Variants in CSMD1 observed in about 807,000 individuals in gnomAD.
CSMD1 encodes the protein CUB and sushi domain-containing protein 1.
Under a neutral mutation model 417.5 loss-of-function variants are expected in CSMD1, and 213 were observed. The ratio of observed to expected loss-of-function variants is 0.51; its 90% confidence interval spans 0.46 to 0.57. CSMD1 has a LOEUF of 0.57. Among genes scored for constraint, CSMD1 ranks in the 20% least tolerant of loss-of-function variants. The pLI is 0.00. For synonymous variants in CSMD1, 2,862 were observed against 1,736.8 expected, an observed-to-expected ratio of 1.65 and a Z score of -16.11; for missense variants, 6,923 against 4,529.7, an observed-to-expected ratio of 1.53 and a Z score of -15.17.
intron 18 of CSMD1, among the ~76,000 whole-genome samples, chr8:3,385,091 AAAATATAT>A (rs1810917477): frequency 1.9e-5 from 2 of 107,144 alleles, no homozygotes; most frequent in East Asian, 2.5e-4. Context: ...ATTTATATAT[AAAATATAT>A]ATATAAATAA....
chr8:4,848,407 G>T (rs1355515239), intron 1 of CSMD1, among the ~76,000 whole-genome samples: 1 of 152,220 alleles, frequency 6.6e-6, no homozygotes, highest in Non-Finnish European at 1.5e-5. Flanking sequence ...CTATGAGCTA[G>T]TAATGGCCTA....
intron 37 of CSMD1, among the ~76,000 whole-genome samples, chr8:3,165,276 G>T (rs938428270): frequency 6.6e-6 from 1 of 152,072 alleles, no homozygotes; most frequent in Non-Finnish European, 1.5e-5. Flanking sequence ...ATTAAAAGGA[G>T]TGACAAAGTG....
intron 5 of CSMD1, among the ~76,000 whole-genome samples, chr8:3,994,254 A>G (rs1331163078): frequency 2.6e-5 from 4 of 152,068 alleles, no homozygotes; most frequent in Non-Finnish European, 4.4e-5. Flanking sequence ...TTCTTTTGTT[A>G]TATAAGTTCA....
intron 4 of CSMD1, among the ~76,000 whole-genome samples, chr8:4,010,685 C>A (rs1460610410): frequency 6.6e-6 from 1 of 152,110 alleles, no homozygotes; most frequent in Admixed American, 6.5e-5. Flanking sequence ...CCTGACTCTG[C>A]CTCCCCTTCA....
intron 37 of CSMD1, among the ~76,000 whole-genome samples, chr8:3,170,965 C>A (rs1307081432): frequency 6.6e-6 from 1 of 152,128 alleles, no homozygotes; most frequent in Non-Finnish European, 1.5e-5. Flanking sequence ...AATGTTGAAC[C>A]ACTGAAGGAT....
At chr8:3,171,468 C>G (rs1401622245) in intron 37 of CSMD1, among the ~76,000 whole-genome samples, 2 of 152,164 alleles carry the variant, frequency 1.3e-5, no homozygotes, top group Admixed American at 1.3e-4. Flanking sequence ...AAAAGTATGA[C>G]AGGACTGAGG....
At chr8:4,759,472 G>C (rs56013252) in intron 1 of CSMD1, among the ~76,000 whole-genome samples, 1 of 152,192 alleles carries the variant, frequency 6.6e-6, no homozygotes, top group Non-Finnish European at 1.5e-5. Flanking sequence ...AGGTAAATGT[G>C]TGGCATGCTG....
chr8:4,863,706 A>G (rs1044335246), intron 1 of CSMD1, among the ~76,000 whole-genome samples: 2 of 152,106 alleles, frequency 1.3e-5, no homozygotes, highest in Admixed American at 6.5e-5. Context: ...TTAATCAACA[A>G]TAAAAGACTT....
chr8:4,362,523 G>C (rs1052363755), intron 3 of CSMD1, among the ~76,000 whole-genome samples: 3 of 152,180 alleles, frequency 2.0e-5, no homozygotes, highest in African/African-American at 7.2e-5. Flanking sequence ...TTGTGCAATA[G>C]ATAGAACAGG....
chr8:4,026,718 C>T (rs1433143976), intron 4 of CSMD1, among the ~76,000 whole-genome samples: 1 of 152,144 alleles, frequency 6.6e-6, no homozygotes, highest in Admixed American at 6.5e-5. Context: ...GATCAAGGGA[C>T]TTCTTTTTTC....
In CSMD1 at chr8:3,452,873, A is replaced by G. The variant is rs1323703123; in HGVS notation, c.1561+15839T>C. Among the ~76,000 whole-genome samples the G allele has an allele frequency of 2.6e-5, 4 of 152,194 alleles. No individual in the cohort carries two copies. The East Asian group carries it at 7.7e-4, about 29-fold the overall frequency. On this transcript the variant is annotated intron_variant, in intron 12 of 69. Coordinates refer to ENST00000635120, the MANE Select transcript of CSMD1 (RefSeq NM_033225.6). Reference sequence around the variant, plus strand: ...GATTCCCTCTTTTTCTATTGATTGGAATAGTTTCAGAAGGAATGGTACCAG... The same window carrying G: ...GATTCCCTCTTTTTCTATTGATTGGGATAGTTTCAGAAGGAATGGTACCAG...
intron 54 of CSMD1, among the ~76,000 whole-genome samples, chr8:2,986,792 C>T (rs1420046120): frequency 6.6e-6 from 1 of 152,134 alleles, no homozygotes; most frequent in Non-Finnish European, 1.5e-5. Flanking sequence ...GCGTGAGCCA[C>T]CGCGCCCGGC....
chr8:3,948,925 G>T (rs1457340802), intron 5 of CSMD1, among the ~76,000 whole-genome samples: 2 of 151,848 alleles, frequency 1.3e-5, no homozygotes, highest in Admixed American at 1.3e-4. Context: ...GGTACAAAAA[G>T]CATTAGTAGA....
intron 2 of CSMD1, among the ~76,000 whole-genome samples, chr8:4,501,944 G>A (rs1385099321): frequency 6.6e-6 from 1 of 152,072 alleles, no homozygotes; most frequent in African/African-American, 2.4e-5. Flanking sequence ...CTAGAATAAG[G>A]GAGAGAACTG....
chr8:4,354,461 A>C (rs1242068279), intron 3 of CSMD1, among the ~76,000 whole-genome samples: 2 of 152,182 alleles, frequency 1.3e-5, no homozygotes, highest in East Asian at 3.9e-4. Context: ...CGTTAGCTAA[A>C]ATTATAATAC....
chr8:4,042,629 T>C (rs1022255487), intron 3 of CSMD1, among the ~76,000 whole-genome samples: 9 of 151,636 alleles, frequency 5.9e-5, no homozygotes, highest in Admixed American at 4.6e-4. Context: ...AATTATAAAA[T>C]ATATTTTATT....
chr8:4,719,346 G>C (rs576594052), intron 1 of CSMD1, among the ~76,000 whole-genome samples: 2 of 151,988 alleles, frequency 1.3e-5, no homozygotes, highest in African/African-American at 4.8e-5. Flanking sequence ...TCTCTCTCAC[G>C]TGCCAATGCG....
At chr8:4,104,240 C>G (rs1207775444) in intron 3 of CSMD1, among the ~76,000 whole-genome samples, 1 of 152,200 alleles carries the variant, frequency 6.6e-6, no homozygotes, top group Non-Finnish European at 1.5e-5. Flanking sequence ...CACATAGAGA[C>G]ATAGATACAT....
chr8:4,656,590 T>G (rs1249995833), intron 1 of CSMD1, among the ~76,000 whole-genome samples: 1 of 151,554 alleles, frequency 6.6e-6, no homozygotes, highest in Admixed American at 6.6e-5. Context: ...AATAGAAAAT[T>G]AGTTGAATTT....
Sources: allele counts gnomAD v4.1 joint callset (sites outside exome capture counted in the v4.1 genomes callset), GRCh38; gene constraint gnomAD v4.1.1; transcripts MANE v1.5; gene names NCBI Gene and HGNC (gene_info 2026-07-23, HGNC 2026-07-21).